OSBPL10: variants seen among roughly 807,000 people sequenced by gnomAD.
The protein encoded by OSBPL10 is oxysterol-binding protein-related protein 10.
Under a neutral mutation model 81.7 loss-of-function variants are expected in OSBPL10, and 49 were observed. The ratio of observed to expected loss-of-function variants is 0.60; its 90% CI spans 0.48 to 0.76. The LOEUF (loss-of-function observed/expected upper bound fraction) is 0.76. Among genes scored for constraint, OSBPL10 ranks in the 30% least tolerant of loss-of-function variants. The probability of loss-of-function intolerance (pLI) is 0.00; values close to 1 mark genes in which losing one functional copy is unlikely to be tolerated. For synonymous variants in OSBPL10, 419 were observed against 383.6 expected, an observed-to-expected ratio of 1.09 and a Z score of -1.08; for missense variants, 923 against 987.8, an observed-to-expected ratio of 0.93 and a Z score of 0.88.
At chr3:31,990,829 C>G in intron 2 of OSBPL10, 1 of 1,594,646 alleles carries the variant, frequency 6.3e-7, no homozygotes, top group Non-Finnish European at 8.6e-7. Flanking sequence ...TTATGCAAAA[C>G]AAAGGAGAAT....
At chr3:31,833,314 G>A (rs1242887206) in intron 3 of OSBPL10, among the ~76,000 whole-genome samples, 2 of 152,032 alleles carry the variant, frequency 1.3e-5, no homozygotes, top group African/African-American at 4.8e-5. Flanking sequence ...CCCTGCTCTT[G>A]CCATGTGATC....
At chr3:32,020,354 C>G (rs1021732401) in intron 2 of OSBPL10, among the ~76,000 whole-genome samples, 1 of 152,168 alleles carries the variant, frequency 6.6e-6, no homozygotes, top group Non-Finnish European at 1.5e-5. Flanking sequence ...TTCTCTTTCT[C>G]TAAATTTGCC....
intron 2 of OSBPL10, among the ~76,000 whole-genome samples, chr3:32,038,670 G>A (rs1390078041): frequency 6.6e-6 from 1 of 152,180 alleles, no homozygotes; most frequent in African/African-American, 2.4e-5. Flanking sequence ...GCTTGTCTGA[G>A]GCTGAAGATA....
At position 31,670,934 on chromosome 3, in the gene OSBPL10, A is replaced by G; in HGVS notation, c.1776T>C (p.Pro592=). 1.2e-6 allele frequency: 2 copies of G among 1,614,140 alleles called. No homozygotes were observed. Among genetic ancestry groups the G allele is most frequent in the Non-Finnish European group, 1.7e-6 (2 of 1,180,006 alleles). The change falls in exon 9 of 12, where the codon CCT becomes CCC. Residue 592 remains proline, a synonymous_variant. Coordinates refer to ENST00000396556, the MANE Select transcript of OSBPL10 (RefSeq NM_017784.5). ...EHGEEYVFTL[P]SAYARSILTI... ...TGAGAATGGACCGGGCGTAGGCACTAGGCAGGGTGAATACGTACTCCTCCC... is the reference window on the plus strand; with the variant it reads ...TGAGAATGGACCGGGCGTAGGCACTGGGCAGGGTGAATACGTACTCCTCCC...
intron 9 of OSBPL10, 66 bp downstream of exon 9, chr3:31,670,731 A>G (rs1315416816): frequency 3.3e-5 from 48 of 1,473,286 alleles, no homozygotes; most frequent in Non-Finnish European, 4.4e-5. Context: ...TCAGTCTTCT[A>G]ATGGTGAAAG....
At chr3:32,028,927 G>T (rs1026971) in intron 2 of OSBPL10, among the ~76,000 whole-genome samples, 1 of 105,634 alleles carries the variant, frequency 9.5e-6, no homozygotes, top group East Asian at 3.2e-4. Context: ...AGCTAGTCAG[G>T]ACACACACAC....
In OSBPL10 at chr3:31,989,924, G is replaced by C. The variant is rs527392841; in HGVS notation, n.298+56567C>G. 42 of 1,614,178 alleles carry C rather than the reference G, an allele frequency of 2.6e-5. No homozygotes were observed. In the African/African-American group the frequency reaches 5.1e-4, roughly 19 times the overall value. On this transcript the variant is annotated intron_variant and non_coding_transcript_variant, in intron 2 of 3. Coordinates refer to the OSBPL10 transcript ENST00000479173. ...GCATGCCATCATAGATGTCACACTG[G>C]TGAGAAACCTTACAAGTGTAATGAA...
At chr3:32,003,815 A>G (rs1461853713) in intron 2 of OSBPL10, among the ~76,000 whole-genome samples, 1 of 152,156 alleles carries the variant, frequency 6.6e-6, no homozygotes, top group Non-Finnish European at 1.5e-5. Context: ...CCTGGAGGTC[A>G]TCCTCCAGGA....
intron 1 of OSBPL10, among the ~76,000 whole-genome samples, chr3:31,956,440 C>T (rs1258978886): frequency 6.6e-6 from 1 of 152,188 alleles, no homozygotes; most frequent in African/African-American, 2.4e-5. Context: ...GCCTTTTGGC[C>T]GGGCATGGTG....
chr3:32,029,079 A>G (rs1398676211), intron 2 of OSBPL10, among the ~76,000 whole-genome samples: 1 of 152,032 alleles, frequency 6.6e-6, no homozygotes, highest in Non-Finnish European at 1.5e-5. Flanking sequence ...CACCAGTGAA[A>G]GGCAGCCTCA....
At chr3:31,741,552 T>C (rs1697352477) in intron 5 of OSBPL10, among the ~76,000 whole-genome samples, 1 of 152,356 alleles carries the variant, frequency 6.6e-6, no homozygotes, top group South Asian at 2.1e-4. Flanking sequence ...CGTGAGCCAC[T>C]GTGCCCAGCC....
intron 2 of OSBPL10, among the ~76,000 whole-genome samples, chr3:32,003,404 C>G (rs908602065): frequency 1.3e-5 from 2 of 152,190 alleles, no homozygotes; most frequent in Non-Finnish European, 2.9e-5. Context: ...AAGCTGATCC[C>G]TGTGTGGAAA....
chr3:31,731,310 C>T (rs1294165733), intron 6 of OSBPL10, among the ~76,000 whole-genome samples: 1 of 152,174 alleles, frequency 6.6e-6, no homozygotes, highest in Non-Finnish European at 1.5e-5. Context: ...CTCCATAAGA[C>T]TTTCCCTACT....
At chr3:31,987,951 T>C (rs1021045039) in intron 2 of OSBPL10, among the ~76,000 whole-genome samples, 1 of 152,144 alleles carries the variant, frequency 6.6e-6, no homozygotes, top group African/African-American at 2.4e-5. Flanking sequence ...AGCAAACACA[T>C]ATTGCCTTTT....
intron 1 of OSBPL10, among the ~76,000 whole-genome samples, chr3:31,932,659 G>C (rs887005266): frequency 6.6e-6 from 1 of 151,788 alleles, no homozygotes; most frequent in African/African-American, 2.4e-5. Context: ...ATGTCACAAA[G>C]AGGCTATTTA....
intron 4 of OSBPL10, among the ~76,000 whole-genome samples, chr3:31,771,518 T>C (rs999673350): frequency 1.2e-4 from 18 of 152,210 alleles, no homozygotes; most frequent in Non-Finnish European, 1.5e-4. Context: ...TTAAATGAGT[T>C]TTATTGGGGG....
intron 6 of OSBPL10, among the ~76,000 whole-genome samples, chr3:31,706,759 A>T (rs751550722): frequency 6.6e-6 from 1 of 152,220 alleles, no homozygotes. Flanking sequence ...CAATCTTTTT[A>T]TTCAATACAT....
intron 1 of OSBPL10, among the ~76,000 whole-genome samples, chr3:31,946,329 C>T (rs1276639975): frequency 7.2e-6 from 1 of 139,640 alleles, no homozygotes; most frequent in Non-Finnish European, 1.6e-5. Context: ...TTTACTTTTT[C>T]AATAATAACA....
chr3:31,942,385 T>C (rs1697561837), intron 1 of OSBPL10, among the ~76,000 whole-genome samples: 1 of 106,324 alleles, frequency 9.4e-6, no homozygotes, highest in African/African-American at 2.8e-5. Context: ...CTACTAAAAA[T>C]ACAAAAATTA....
Sources: gnomAD v4.1 joint callset for allele counts (sites outside exome capture counted in the v4.1 genomes callset) on GRCh38, gnomAD v4.1.1 for gene constraint, MANE v1.5 for transcripts, NCBI Gene and HGNC (gene_info 2026-07-23, HGNC 2026-07-21) for gene names.